WASF3: variants seen among roughly 807,000 people sequenced by gnomAD.
WASF3 encodes WASP family member 3.
Under a neutral mutation model 46.6 loss-of-function variants are expected in WASF3, and 11 were observed. The ratio of observed to expected loss-of-function variants is 0.24; its 90% CI spans 0.15 to 0.39. The LOEUF (loss-of-function observed/expected upper bound fraction) is 0.39. Ranked by LOEUF, WASF3 falls within the 10% of genes least tolerant of loss-of-function variation. WASF3 has a pLI of 1.00. For missense variants in WASF3, 576 were observed against 669.8 expected (o/e 0.86, Z 1.55); for synonymous variants, 242 against 259.7 (o/e 0.93, Z 0.65).
intron 1 of WASF3, among the ~76,000 whole-genome samples, chr13:26,586,599 T>C (rs936651309): frequency 6.6e-6 from 1 of 152,172 alleles, no homozygotes; most frequent in Non-Finnish European, 1.5e-5. Flanking sequence ...TTGTCTGTCT[T>C]TGTTTGCTTT....
chr13:26,642,198 T>C, intron 2 of WASF3, 63 bp from the exon 3 acceptor site: 1 of 1,450,668 alleles, frequency 6.9e-7, no homozygotes, highest in South Asian at 1.6e-5. Context: ...TCAAGGGAAT[T>C]AAAATTCCAG....
upstream of WASF3, among the ~76,000 whole-genome samples, chr13:26,552,737 T>C (rs1052971070): frequency 3.9e-5 from 6 of 152,240 alleles, no homozygotes; most frequent in African/African-American, 1.4e-4. Context: ...CTTTGTTCTT[T>C]CTCTTCCGCA....
intron 1 of WASF3, among the ~76,000 whole-genome samples, chr13:26,594,381 C>T (rs893844644): frequency 2.0e-5 from 3 of 152,278 alleles, no homozygotes; most frequent in South Asian, 2.1e-4. Context: ...CTGTTCTGTT[C>T]CCTTTTGAGA....
At chr13:26,656,342 C>G (rs1368483584) in intron 3 of WASF3, among the ~76,000 whole-genome samples, 1 of 151,910 alleles carries the variant, frequency 6.6e-6, no homozygotes, top group Non-Finnish European at 1.5e-5. Flanking sequence ...TTCTCTTTAC[C>G]TAAACTCTCT....
At chr13:26,644,313 T>G (rs899768433) in intron 3 of WASF3, among the ~76,000 whole-genome samples, 2 of 152,234 alleles carry the variant, frequency 1.3e-5, no homozygotes, top group Non-Finnish European at 2.9e-5. Flanking sequence ...AGGATAGTAA[T>G]TGGTGTTATT....
At chr13:26,544,090 C>T in the WASF3 span, among the ~76,000 whole-genome samples, 15,297 of 152,166 alleles carry the variant, frequency 0.1, 1,073 homozygotes, top group South Asian at 0.21. Context: ...GAAGAATTCA[C>T]AAAAATTCTA....
the WASF3 span, among the ~76,000 whole-genome samples, chr13:26,544,316 C>G: frequency 6.2e-4 from 95 of 152,248 alleles, 1 homozygote; most frequent in African/African-American, 2.2e-3. Flanking sequence ...CAAAAGGAAC[C>G]CTTATCTAAG....
intron 1 of WASF3, among the ~76,000 whole-genome samples, chr13:26,565,763 A>G (rs1879445737): frequency 6.6e-6 from 1 of 152,212 alleles, no homozygotes; most frequent in Non-Finnish European, 1.5e-5. Context: ...CTCCTTTTCA[A>G]AAGTTGGCAT....
chr13:26,626,718 A>G (rs1458424350), intron 2 of WASF3, among the ~76,000 whole-genome samples: 1 of 152,176 alleles, frequency 6.6e-6, no homozygotes, highest in Non-Finnish European at 1.5e-5. Flanking sequence ...ATAAGGAATG[A>G]CCGTTATATC....
In WASF3 at chr13:26,566,501, C is replaced by T. The variant is rs551024510; in HGVS notation, c.-109+8682C>T. 2.2e-4 allele frequency among the ~76,000 whole-genome samples: 33 copies of T among 152,354 alleles called. No individual in the cohort carries two copies. The South Asian group carries it at 6.4e-3, about 30-fold the overall frequency. Reference sequence around the variant, plus strand: ...TTAGACATGAGGACTGCTTTAATAACTGCAAGATTTCAGTGACTCAGAGCA... The same window carrying T: ...TTAGACATGAGGACTGCTTTAATAATTGCAAGATTTCAGTGACTCAGAGCA... On this transcript the variant is annotated intron_variant, in intron 1 of 9. Transcript: ENST00000335327.
At chr13:26,547,092 T>A in the WASF3 span, among the ~76,000 whole-genome samples, 1 of 151,686 alleles carries the variant, frequency 6.6e-6, no homozygotes, top group Non-Finnish European at 1.5e-5. Context: ...GATATCATGG[T>A]GGTTGGTTTT....
chr13:26,680,343 A>G (rs1883189427), intron 7 of WASF3: 7 of 1,009,630 alleles, frequency 6.9e-6, no homozygotes, highest in Non-Finnish European at 9.6e-6. Context: ...CGCCCACGGC[A>G]CTGCCGGGCT....
chr13:26,562,041 A>C (rs1879311061), intron 1 of WASF3, among the ~76,000 whole-genome samples: 1 of 152,220 alleles, frequency 6.6e-6, no homozygotes, highest in Admixed American at 6.5e-5. Context: ...TACGTTTTTA[A>C]CATTTTCTTT....
Position 26,667,665 on chromosome 13 carries a change from A to G in WASF3, c.417A>G (p.Pro139=), listed in dbSNP as rs992827950. Residue 139 remains proline, a synonymous_variant, in exon 5 of 10, where the codon CCA becomes CCG. Transcript: ENST00000335327. ...CACCGCCTCTGAACATCCTGACACC[A>G]TACAGGTATAGCTTCATGAGTCCCA... ...DKPPPLNILT[P]YRDDKKDGLK... The G allele has an allele frequency of 3.1e-6, 5 of 1,613,938 alleles. No individual in the cohort carries two copies. In the African/African-American group the frequency reaches 6.7e-5, roughly 22 times the overall value.
intron 2 of WASF3, among the ~76,000 whole-genome samples, chr13:26,624,594 T>C (rs1462722350): frequency 6.6e-6 from 1 of 151,018 alleles, no homozygotes; most frequent in Non-Finnish European, 1.5e-5. Context: ...AGGAAACAAC[T>C]AATAAGACAA....
At chr13:26,570,124 A>C (rs1244021815) in intron 1 of WASF3, among the ~76,000 whole-genome samples, 1 of 152,086 alleles carries the variant, frequency 6.6e-6, no homozygotes. Context: ...CATCTCTACT[A>C]AAATTACAAA....
Position 26,682,785 on chromosome 13 carries a change from A to C in WASF3, c.1162A>C (p.Thr388Pro), listed in dbSNP as rs1593189753. Residue 388 changes from threonine (T) to proline (P), a missense_variant, in exon 9 of 10, where the codon ACC becomes CCC. Physicochemically the swap from Thr to Pro is conservative, Grantham distance 38. Transcript: ENST00000335327. The surrounding 1 kb of genome is among the most constrained non-coding windows in gnomAD (Gnocchi z 4.4). ...THAAPPHPPS[T>P]GLLVTAPPPP... is the part of the protein sequence containing the mutation. The stretch of plus-strand genomic sequence containing the variant: ...CGCAGCTCCTCCTCACCCACCCTCC[A>C]CCGGGCTCCTGGTCACAGCCCCGCC... 1.2e-6 allele frequency: 2 copies of C among 1,609,304 alleles called. No individual in the cohort carries two copies. The highest frequency in any genetic ancestry group is 1.3e-5 in the African/African-American group (1 of 74,234).
chr13:26,685,522 C>T (rs967231949), intron 9 of WASF3, among the ~76,000 whole-genome samples, 166 bp from the exon 10 acceptor site: 20 of 152,178 alleles, frequency 1.3e-4, no homozygotes, highest in Non-Finnish European at 2.8e-4. Flanking sequence ...CATGTTTTTT[C>T]TCATGAAACT....
intron 6 of WASF3, among the ~76,000 whole-genome samples, chr13:26,674,459 C>T (rs908500367): frequency 1.3e-5 from 2 of 152,116 alleles, no homozygotes; most frequent in Admixed American, 1.3e-4. Context: ...TTGTAAAATA[C>T]TCAAATAGCA....
Sources: gnomAD v4.1 joint callset for allele counts (sites outside exome capture counted in the v4.1 genomes callset) on GRCh38, gnomAD v4.1.1 for gene constraint, Gnocchi (gnomAD v3.1) non-coding constraint, MANE v1.5 for transcripts, NCBI Gene and HGNC (gene_info 2026-07-23, HGNC 2026-07-21) for gene names.